Variants in FIRRM observed in about 807,000 individuals in gnomAD.
The protein encoded by FIRRM is FIGNL1-interacting regulator of recombination and mitosis.
the FIRRM span, chr1:169,852,670 T>C: frequency 3.8e-6 from 4 of 1,057,718 alleles, no homozygotes; most frequent in South Asian, 1.6e-5. Flanking sequence ...GGGTGCATCC[T>C]CCTACCCTTG....
chr1:169,852,778 T>G, the FIRRM span: 7 of 1,611,320 alleles, frequency 4.3e-6, no homozygotes, highest in African/African-American at 1.3e-5. Flanking sequence ...ATTACTTATG[T>G]TTTTTTTCCA....
At chr1:169,849,700 G>C in the FIRRM span, 3 of 953,998 alleles carry the variant, frequency 3.1e-6, no homozygotes, top group Non-Finnish European at 4.8e-6. Context: ...AACTGCTTCT[G>C]TATTGCAATC....
chr1:169,785,567 C>T, the FIRRM span, among the ~76,000 whole-genome samples: 2 of 152,120 alleles, frequency 1.3e-5, no homozygotes, highest in Admixed American at 6.5e-5. Context: ...ATCTCCTCTC[C>T]AGTCGTCCCC....
the FIRRM span, among the ~76,000 whole-genome samples, chr1:169,811,644 G>A: frequency 6.6e-6 from 1 of 151,970 alleles, no homozygotes; most frequent in Non-Finnish European, 1.5e-5. Flanking sequence ...AACAGAGTGA[G>A]AGCTTGTCTA....
the FIRRM span, among the ~76,000 whole-genome samples, chr1:169,841,811 G>A: frequency 2.6e-5 from 4 of 152,122 alleles, no homozygotes; most frequent in Non-Finnish European, 4.4e-5. Flanking sequence ...CTGGCCACTT[G>A]TATCAAAACT....
At chr1:169,793,440 T>C in the FIRRM span, 1 of 1,614,242 alleles carries the variant, frequency 6.2e-7, no homozygotes, top group Admixed American at 1.7e-5. Context: ...TCCAAGTTCC[T>C]TGAACTGCTG....
chr1:169,845,481 T>A, the FIRRM span, among the ~76,000 whole-genome samples: 1 of 152,358 alleles, frequency 6.6e-6, no homozygotes, highest in East Asian at 1.9e-4. Context: ...CATGTGATGC[T>A]GTTTGATGGT....
chr1:169,793,553 C>G, the FIRRM span: 1 of 1,614,188 alleles, frequency 6.2e-7, no homozygotes, highest in Non-Finnish European at 8.5e-7. Context: ...TTCTGCAGAA[C>G]ATTTTCTGTC....
chr1:169,837,256 C>T, the FIRRM span: 1 of 583,368 alleles, frequency 1.7e-6, no homozygotes, highest in Non-Finnish European at 2.7e-6. Flanking sequence ...TTTCAGATTT[C>T]TTCATTGTAA....
chr1:169,809,820 C>A, the FIRRM span, among the ~76,000 whole-genome samples: 1 of 152,160 alleles, frequency 6.6e-6, no homozygotes, highest in African/African-American at 2.4e-5. Context: ...CTCTGCTGTT[C>A]ACTATTAATA....
At chr1:169,843,438 G>T in the FIRRM span, among the ~76,000 whole-genome samples, 1 of 152,088 alleles carries the variant, frequency 6.6e-6, no homozygotes, top group African/African-American at 2.4e-5. Flanking sequence ...TCTGCTTTTT[G>T]TCCTAGCCAT....
the FIRRM span, among the ~76,000 whole-genome samples, chr1:169,784,546 T>C: frequency 0.013 from 2,022 of 152,282 alleles, 54 homozygotes; most frequent in African/African-American, 0.046. Flanking sequence ...ATTTTGTTTG[T>C]CTGTTTGCTT....
chr1:169,821,110 T>C, the FIRRM span, among the ~76,000 whole-genome samples: 2 of 152,228 alleles, frequency 1.3e-5, no homozygotes, highest in Non-Finnish European at 2.9e-5. Context: ...AAGTGCTTGT[T>C]AACTTACTTC....
At chr1:169,853,509 T>C in the FIRRM span, 1 of 556,036 alleles carries the variant, frequency 1.8e-6, no homozygotes, top group African/African-American at 1.9e-5. Flanking sequence ...TGGAAACCAG[T>C]ACTGTGAGCC....
the FIRRM span, chr1:169,795,193 T>C: frequency 6.5e-7 from 1 of 1,536,086 alleles, no homozygotes; most frequent in South Asian, 1.2e-5. Flanking sequence ...GGAACTGCCG[T>C]CCGTCCTGCC....
At chr1:169,810,011 G>C in the FIRRM span, among the ~76,000 whole-genome samples, 2 of 152,104 alleles carry the variant, frequency 1.3e-5, no homozygotes, top group Non-Finnish European at 2.9e-5. Flanking sequence ...CAGTAGATTT[G>C]GTGTCTAACG....
chr1:169,823,019 A>G, the FIRRM span, among the ~76,000 whole-genome samples: 1 of 151,810 alleles, frequency 6.6e-6, no homozygotes. Flanking sequence ...TGGGAGGCCA[A>G]GGCAGGTGGA....
chr1:169,785,812 C>A, the FIRRM span, among the ~76,000 whole-genome samples: 11 of 152,224 alleles, frequency 7.2e-5, no homozygotes, highest in Non-Finnish European at 1.2e-4. Flanking sequence ...CCTGTATTTC[C>A]CTGTCTCCTG....
the FIRRM span, chr1:169,830,356 CT>C: frequency 1.2e-6 from 2 of 1,606,332 alleles, no homozygotes; most frequent in South Asian, 1.1e-5. Context: ...AACATATTTG[CT>C]TTTTTGTTCT....
Sources: allele counts gnomAD v4.1 joint callset (sites outside exome capture counted in the v4.1 genomes callset), GRCh38; gene constraint gnomAD v4.1.1; transcripts MANE v1.5; gene names NCBI Gene and HGNC (gene_info 2026-07-23, HGNC 2026-07-21).